Variants in ZNF234 observed in about 807,000 individuals in gnomAD.
ZNF234 encodes C2-H2 type zinc finger protein.
In ZNF234, 4 loss-of-function variants were observed where a neutral mutation model predicts 10.3. The ratio of observed to expected loss-of-function variants is 0.39; its 90% CI spans 0.19 to 0.89. ZNF234 has a LOEUF of 0.89. ZNF234 is among the 40% of genes least tolerant of loss of function. ZNF234 has a pLI of 0.38. For missense variants in ZNF234, 711 were observed against 836.1 expected, an observed-to-expected ratio of 0.85 and a Z score of 1.85; for synonymous variants, 258 against 280.1, an observed-to-expected ratio of 0.92 and a Z score of 0.79.
At chr19:44,147,118 G>C (rs1448018024) in intron 3 of ZNF234, among the ~76,000 whole-genome samples, 1 of 151,652 alleles carries the variant, frequency 6.6e-6, no homozygotes, top group Non-Finnish European at 1.5e-5. Context: ...CCAGCCAAGT[G>C]CTTGTATTCT....
At chr19:44,154,805 T>A (rs1020598562) in intron 5 of ZNF234, among the ~76,000 whole-genome samples, 5 of 152,030 alleles carry the variant, frequency 3.3e-5, no homozygotes, top group Admixed American at 6.6e-5. Flanking sequence ...CCAATTTTTT[T>A]AAAAGTTTTT....
intron 2 of ZNF234, among the ~76,000 whole-genome samples, chr19:44,144,049 C>G (rs967919716): frequency 1.3e-5 from 2 of 152,144 alleles, no homozygotes; most frequent in Non-Finnish European, 2.9e-5. Flanking sequence ...TCACCCATTT[C>G]AAGTGTACAA....
rs189036247 is a variant in ZNF234, at chr19:44,159,890, G to A, written c.*1771G>A. 2 of 166,188 alleles carry A rather than the reference G, an allele frequency of 1.2e-5. No homozygotes were observed. Among genetic ancestry groups the A allele is most frequent in the East Asian group, 3.3e-4 (2 of 6,130 alleles). The allele number at this position is 166,188 out of a possible 1,614,324, so 10.3% of individuals were successfully genotyped here. ...CTCTACTAAATACAAAAATTAGCTG[G>A]GCATGGTGGCAGGCGCCTGTAATCC... On this transcript the variant is annotated 3_prime_UTR_variant, in exon 6 of 6. Coordinates refer to ENST00000426739, the MANE Select transcript of ZNF234 (RefSeq NM_006630.3).
rs1968939842 is a variant in ZNF234 at position 44,157,728 on chromosome 19, G to A, written c.1712G>A (p.Gly571Glu). The change falls in exon 6 of 6, where the codon GGG (glycine) becomes GAG (glutamate). Residue 571 changes from glycine (G) to glutamate (E), a missense_variant. Gly to Glu is a moderately conservative substitution (Grantham distance 98). Coordinates refer to ENST00000426739, the MANE Select transcript of ZNF234 (RefSeq NM_006630.3). The part of the protein sequence containing the change: ...VHTGEKPYKC[G>E]ECGKGFKWSL... ...ACTGGAGAAAAGCCATACAAATGTGGGGAGTGTGGAAAGGGCTTCAAGTGG... is the reference window on the plus strand; with the variant it reads ...ACTGGAGAAAAGCCATACAAATGTGAGGAGTGTGGAAAGGGCTTCAAGTGG... 2 of 1,613,864 alleles carry A rather than the reference G, an allele frequency of 1.2e-6. No homozygotes were observed. Among genetic ancestry groups the A allele is most frequent in the South Asian group, 1.1e-5 (1 of 91,056 alleles).
rs1229829027 is a variant in ZNF234 at position 44,156,772 on chromosome 19, A to T, written c.756A>T (p.Lys252Asn). 3.7e-6 allele frequency: 6 copies of T among 1,612,924 alleles called. No individual in the cohort carries two copies. Among genetic ancestry groups the T allele is most frequent in the Non-Finnish European group, 5.1e-6 (6 of 1,179,348 alleles). ...GATCAACACTTACTGTACATTGCAA[A>T]TTACACTCAGGAGAGAAACCTTACA... ...SRRSTLTVHC[K>N]LHSGEKPYNC... The change falls in exon 6 of 6, where the codon AAA becomes AAT. Residue 252 changes from lysine (K) to asparagine (N), a missense_variant. Physicochemically the swap from Lys to Asn is moderately conservative, Grantham distance 94. Coordinates refer to ENST00000426739, the MANE Select transcript of ZNF234 (RefSeq NM_006630.3).
At chr19:44,154,628 CTTTTTTTTTTTT>C (rs779013573) in intron 5 of ZNF234, among the ~76,000 whole-genome samples, 437 of 102,438 alleles carry the variant, frequency 4.3e-3, no homozygotes, top group Non-Finnish European at 6.9e-3. Context: ...TTCTCTTTTT[CTTTTTTTTTTTT>C]TTTTTTTTTT....
chr19:44,143,509 T>A (rs892980241), intron 2 of ZNF234, among the ~76,000 whole-genome samples: 2 of 151,486 alleles, frequency 1.3e-5, no homozygotes, highest in East Asian at 3.9e-4. Flanking sequence ...CTTGGGAGGC[T>A]GAGGCAAGAG....
intron 5 of ZNF234, among the ~76,000 whole-genome samples, chr19:44,151,177 C>A (rs1968736205): frequency 6.6e-6 from 1 of 152,100 alleles, no homozygotes; most frequent in Non-Finnish European, 1.5e-5. Flanking sequence ...CTTGCTCCAT[C>A]TTTTCCAGCC....
chr19:44,149,562 G>A lies in ZNF234; in HGVS notation c.142+665G>A, dbSNP rs143283769. Among the ~76,000 whole-genome samples, 1,325 of 152,234 alleles carry A rather than the reference G, an allele frequency of 8.7e-3. 6 individuals carry two copies. Among genetic ancestry groups the A allele is most frequent in the Non-Finnish European group, 0.014 (923 of 68,032 alleles). On this transcript the variant is annotated intron_variant, in intron 4 of 5. Coordinates refer to ENST00000426739, the MANE Select transcript of ZNF234 (RefSeq NM_006630.3). ...TTGTTTTATTTTTAAGAAGATTAAT[G>A]AGTGCAGACAGAAATGTGAGGTTAG...
Position 44,158,036 on chromosome 19 carries a change from C to A in ZNF234, c.2020C>A (p.His674Asn). Reference sequence around the variant, plus strand: ...AAATCTTGTAAGTCATCACAAAATTCATGCTGCTGGTACATTTTATGAAAA... The same window carrying A: ...AAATCTTGTAAGTCATCACAAAATTAATGCTGCTGGTACATTTTATGAAAA... ...RSNLVSHHKIHAAGTFYENDE... is the reference protein window; with the variant it reads ...RSNLVSHHKINAAGTFYENDE... The change falls in exon 6 of 6, where the codon CAT becomes AAT. Residue 674 changes from histidine to asparagine, a missense_variant. His to Asn is a moderately conservative substitution (Grantham distance 68). Coordinates refer to ENST00000426739, the MANE Select transcript of ZNF234 (RefSeq NM_006630.3). 2.5e-6 allele frequency: 4 copies of A among 1,613,318 alleles called. No individual in the cohort carries two copies. Among genetic ancestry groups the A allele is most frequent in the Non-Finnish European group, 3.4e-6 (4 of 1,179,804 alleles).
In ZNF234 at chr19:44,158,095, AGAGG is replaced by A; in HGVS notation, c.2084_2087del (p.Gly695GlufsTer7). On this transcript the variant is annotated frameshift_variant, in exon 6 of 6. Transcript: ENST00000426739. LOFTEE classifies it low-confidence loss of function (END_TRUNC). ...ATAGTAAGAACATCAGAGAGTTGTC[AGAGG>A]GAGGAAGTTCTACAAGGTGATTAAA... 1 of 1,601,054 alleles carries A rather than the reference AGAGG, an allele frequency of 6.2e-7. No individual in the cohort carries two copies. Among genetic ancestry groups the A allele is most frequent in the Non-Finnish European group, 8.5e-7 (1 of 1,176,790 alleles).
At position 44,157,636 on chromosome 19, in the gene ZNF234, T is replaced by G. The variant is rs1455193733; in HGVS notation, c.1620T>G (p.Phe540Leu). 6.2e-7 allele frequency: 1 copy of G among 1,611,584 alleles called. No individual in the cohort carries two copies. The highest frequency in any genetic ancestry group is 2.2e-5 in the East Asian group (1 of 44,668). Reference sequence around the variant, plus strand: ...GAGTTCACAGTGGGGAAAAACCATTTAAATGTGAAGAGTGTGGGAAGAGCT... The same window carrying G: ...GAGTTCACAGTGGGGAAAAACCATTGAAATGTGAAGAGTGTGGGAAGAGCT... Reference protein sequence around the residue: ...HQRVHSGEKPFKCEECGKSFS... With the variant: ...HQRVHSGEKPLKCEECGKSFS... The change falls in exon 6 of 6, where the codon TTT (phenylalanine) becomes TTG (leucine). Residue 540 changes from phenylalanine to leucine, a missense_variant. Phe to Leu is a conservative substitution (Grantham distance 22). Coordinates refer to ENST00000426739, the MANE Select transcript of ZNF234 (RefSeq NM_006630.3).
In ZNF234 at chr19:44,157,768, C is replaced by T. The variant is rs112757500; in HGVS notation, c.1752C>T (p.Asp584=). 3,118 of 1,612,872 alleles carry T rather than the reference C, an allele frequency of 1.9e-3. 2 individuals are homozygous for T. The highest frequency in any genetic ancestry group is 2.5e-3 in the Non-Finnish European group (2,955 of 1,179,700). ...GCTTCAAGTGGAGCTTGAACCTTGA[C>T]ATGCATCAGAGGGTGCACACAGGAG... The part of the protein sequence containing the change: ...GKGFKWSLNL[D]MHQRVHTGEK... Residue 584 remains aspartate, a synonymous_variant, in exon 6 of 6, where the codon GAC becomes GAT. Transcript: ENST00000426739.
chr19:44,147,833 C>T (rs1968638411), intron 3 of ZNF234, among the ~76,000 whole-genome samples: 1 of 149,596 alleles, frequency 6.7e-6, no homozygotes, highest in African/African-American at 2.5e-5. Context: ...GCCTGGGCAA[C>T]AAGAGTGAAG....
chr19:44,150,287 T>C (rs917424642), intron 4 of ZNF234, 126 bp from the exon 5 acceptor site: 1 of 579,432 alleles, frequency 1.7e-6, no homozygotes, highest in African/African-American at 1.9e-5. Flanking sequence ...ATTAGGTTCT[T>C]CTAAAAGTGT....
At chr19:44,154,892 C>A (rs1249117565) in intron 5 of ZNF234, among the ~76,000 whole-genome samples, 1 of 152,096 alleles carries the variant, frequency 6.6e-6, no homozygotes, top group Non-Finnish European at 1.5e-5. Context: ...CGGCTTCAGC[C>A]TCCCAACATG....
intron 2 of ZNF234, 25 bp from the exon 3 acceptor site, chr19:44,144,532 A>G: frequency 8.9e-7 from 1 of 1,122,270 alleles, no homozygotes; most frequent in Non-Finnish European, 1.2e-6. Context: ...CCACGCTTTC[A>G]TGTCTCTTTT....
Position 44,157,672 on chromosome 19 carries a change from T to G in ZNF234, c.1656T>G (p.Ser552Arg), listed in dbSNP as rs774996563. The change falls in exon 6 of 6, where the codon AGT becomes AGG. Residue 552 changes from serine to arginine, a missense_variant. Coordinates refer to ENST00000426739, the MANE Select transcript of ZNF234 (RefSeq NM_006630.3). Reference sequence around the variant, plus strand: ...AGTGTGGGAAGAGCTTCAGTCGGAGTGCACACCTTCAAGCCCATCAAAAAG... The same window carrying G: ...AGTGTGGGAAGAGCTTCAGTCGGAGGGCACACCTTCAAGCCCATCAAAAAG... ...CEECGKSFSR[S>R]AHLQAHQKVH... is the part of the protein sequence containing the mutation. 1 of 1,612,424 alleles carries G rather than the reference T, an allele frequency of 6.2e-7. No homozygotes were observed. Among genetic ancestry groups the G allele is most frequent in the Non-Finnish European group, 8.5e-7 (1 of 1,179,588 alleles).
chr19:44,154,299 C>T (rs1599700542), intron 5 of ZNF234, among the ~76,000 whole-genome samples: 1 of 129,392 alleles, frequency 7.7e-6, no homozygotes, highest in South Asian at 2.3e-4. Context: ...TTGGAGTCTA[C>T]TTCTTTTTCA....
Sources: gnomAD v4.1 joint callset for allele counts (sites outside exome capture counted in the v4.1 genomes callset) on GRCh38, gnomAD v4.1.1 for gene constraint, MANE v1.5 for transcripts, NCBI Gene and HGNC (gene_info 2026-07-23, HGNC 2026-07-21) for gene names.